Variants in CCBE1 observed in about 807,000 individuals in gnomAD.
The protein encoded by CCBE1 is collagen and calcium binding EGF domains 1.
A neutral mutation model predicts 50.0 loss-of-function variants in CCBE1; 37 were observed. That is an observed-to-expected ratio of 0.74 (90% CI 0.57 to 0.97). CCBE1 has a LOEUF of 0.97. CCBE1 is among the 50% of genes least tolerant of loss of function. The probability of loss-of-function intolerance (pLI) is 0.00; values close to 1 mark genes in which losing one functional copy is unlikely to be tolerated. For missense variants in CCBE1, 538 were observed against 523.8 expected, an observed-to-expected ratio of 1.03 and a Z score of -0.26; for synonymous variants, 234 against 203.7, an observed-to-expected ratio of 1.15 and a Z score of -1.27.
chr18:59,688,072 A>C (rs919268983), intron 2 of CCBE1: 1 of 152,230 alleles, frequency 6.6e-6, no homozygotes, highest in African/African-American at 2.4e-5. Flanking sequence ...ACTGATTCCG[A>C]ATACCTTCAA....
chr18:59,477,665 C>A (rs1371255278), intron 3 of CCBE1, among the ~76,000 whole-genome samples: 6 of 151,990 alleles, frequency 3.9e-5, no homozygotes, highest in African/African-American at 1.2e-4. Context: ...GTACTGTTAA[C>A]TTTACATCAC....
intron 2 of CCBE1, among the ~76,000 whole-genome samples, chr18:59,668,814 T>C (rs1032859506): frequency 2.1e-5 from 3 of 143,238 alleles, no homozygotes; most frequent in Non-Finnish European, 4.5e-5. Context: ...TGGTTTTCCA[T>C]AAGTCTTTTT....
chr18:59,501,185 C>T (rs1913602748), intron 2 of CCBE1, among the ~76,000 whole-genome samples: 2 of 152,220 alleles, frequency 1.3e-5, no homozygotes, highest in African/African-American at 4.8e-5. Context: ...TAGCAGAGCC[C>T]ACTCTAAGCC....
intron 2 of CCBE1, among the ~76,000 whole-genome samples, chr18:59,495,192 G>A (rs186163389): frequency 1.0e-3 from 155 of 151,964 alleles, no homozygotes; most frequent in African/African-American, 3.6e-3. Context: ...GGATGGAGGT[G>A]TACTTTTTTT....
intron 5 of CCBE1, among the ~76,000 whole-genome samples, chr18:59,463,294 C>T (rs1335861608): frequency 1.3e-5 from 2 of 152,166 alleles, no homozygotes; most frequent in Non-Finnish European, 2.9e-5. Flanking sequence ...CCACAGCAAT[C>T]GTAGCTCACT....
At chr18:59,661,241 T>C (rs1038100276) in intron 2 of CCBE1, among the ~76,000 whole-genome samples, 4 of 152,326 alleles carry the variant, frequency 2.6e-5, no homozygotes, top group African/African-American at 7.2e-5. Context: ...TTTGGTAATT[T>C]GTGCAACTGA....
At chr18:59,449,760 G>A (rs72958139) in intron 6 of CCBE1, among the ~76,000 whole-genome samples, 22,459 of 152,092 alleles carry the variant, frequency 0.15, 1,752 homozygotes, top group African/African-American at 0.19. Context: ...TCAAGTCTTC[G>A]TATTTAAAAT....
intron 2 of CCBE1, among the ~76,000 whole-genome samples, chr18:59,495,962 G>T (rs1428417678): frequency 6.6e-6 from 1 of 151,882 alleles, no homozygotes; most frequent in Non-Finnish European, 1.5e-5. Context: ...CCTGGTGTAG[G>T]GTATACTCTT....
intron 2 of CCBE1, among the ~76,000 whole-genome samples, chr18:59,603,502 A>C (rs945637374): frequency 1.3e-5 from 2 of 152,186 alleles, no homozygotes; most frequent in African/African-American, 2.4e-5. Context: ...TCCTCCAGGG[A>C]AGATACCTCC....
At chr18:59,475,640 G>C (rs72960160) in intron 3 of CCBE1, among the ~76,000 whole-genome samples, 7,307 of 152,174 alleles carry the variant, frequency 0.048, 247 homozygotes, top group Non-Finnish European at 0.075. Context: ...CTCCTCAACA[G>C]AGTTTAGTTT....
chr18:59,533,802 A>G (rs749128062), intron 2 of CCBE1, among the ~76,000 whole-genome samples: 12 of 152,222 alleles, frequency 7.9e-5, no homozygotes, highest in Non-Finnish European at 1.3e-4. Context: ...GTGATATCCA[A>G]GTTACTCAGG....
intron 2 of CCBE1, among the ~76,000 whole-genome samples, chr18:59,594,276 C>T (rs1055588917): frequency 6.6e-6 from 1 of 152,122 alleles, no homozygotes; most frequent in Admixed American, 6.5e-5. Context: ...AATTTGAGTG[C>T]TAAATGTTAA....
At chr18:59,525,676 T>C (rs1914789384) in intron 2 of CCBE1, among the ~76,000 whole-genome samples, 1 of 152,242 alleles carries the variant, frequency 6.6e-6, no homozygotes, top group African/African-American at 2.4e-5. Context: ...TGTGCCTATG[T>C]CCTGAATGGT....
intron 2 of CCBE1, among the ~76,000 whole-genome samples, chr18:59,525,116 G>A (rs1568186782): frequency 1.3e-5 from 2 of 152,164 alleles, no homozygotes; most frequent in Admixed American, 6.5e-5. Flanking sequence ...TAGGTCAAAT[G>A]GTATTTCTGG....
intron 2 of CCBE1, among the ~76,000 whole-genome samples, chr18:59,506,720 A>G (rs114540482): frequency 0.021 from 3,170 of 152,304 alleles, 50 homozygotes; most frequent in Admixed American, 0.053. Flanking sequence ...GACATGGTGC[A>G]CCCAGACCAG....
chr18:59,446,520 C>A (rs1382759518), intron 7 of CCBE1, among the ~76,000 whole-genome samples: 1 of 152,202 alleles, frequency 6.6e-6, no homozygotes, highest in Non-Finnish European at 1.5e-5. Context: ...TAAGCCAAAT[C>A]CTGAATCGTC....
chr18:59,542,855 A>G (rs1052015931), intron 2 of CCBE1, among the ~76,000 whole-genome samples: 1 of 151,930 alleles, frequency 6.6e-6, no homozygotes, highest in African/African-American at 2.4e-5. Flanking sequence ...GCTCTCACCC[A>G]CCAACATCCC....
At chr18:59,571,236 G>A (rs2052909149) in intron 2 of CCBE1, among the ~76,000 whole-genome samples, 1 of 152,058 alleles carries the variant, frequency 6.6e-6, no homozygotes, top group Non-Finnish European at 1.5e-5. Context: ...TTTTCCTTAT[G>A]TGTTTCTTCT....
chr18:59,563,359 T>C (rs1441164073), intron 2 of CCBE1, among the ~76,000 whole-genome samples: 4 of 152,266 alleles, frequency 2.6e-5, no homozygotes, highest in Non-Finnish European at 4.4e-5. Flanking sequence ...TGCATTCATT[T>C]GGCCATCTGG....
Sources: gnomAD v4.1 joint callset for allele counts (sites outside exome capture counted in the v4.1 genomes callset) on GRCh38, gnomAD v4.1.1 for gene constraint, MANE v1.5 for transcripts, NCBI Gene and HGNC (gene_info 2026-07-23, HGNC 2026-07-21) for gene names.